BOC: variants seen among roughly 807,000 people sequenced by gnomAD.
BOC encodes brother of CDO.
Under a neutral mutation model 112.0 loss-of-function variants are expected in BOC, and 76 were observed. The observed-to-expected ratio is 0.68, with a 90% confidence interval of 0.56 to 0.82. The LOEUF (loss-of-function observed/expected upper bound fraction) is 0.82, where lower values mean the gene tolerates loss of function less well. Ranked by LOEUF, BOC falls within the 40% of genes least tolerant of loss-of-function variation. The pLI is 0.00. For missense variants in BOC, 1,309 were observed against 1,511.7 expected (o/e 0.87, Z 2.22); for synonymous variants, 580 against 599.8 (o/e 0.97, Z 0.48).
chr3:113,282,936 C>T (rs976829069), intron 15 of BOC, among the ~76,000 whole-genome samples: 3 of 152,134 alleles, frequency 2.0e-5, no homozygotes, highest in Non-Finnish European at 2.9e-5. Context: ...TGTGTGTCCT[C>T]GTGAGTCCGG....
At chr3:113,285,263 G>A in intron 18 of BOC, 109 bp from the exon 19 acceptor site, 1 of 1,056,890 alleles carries the variant, frequency 9.5e-7, no homozygotes, top group Non-Finnish European at 1.4e-6. Flanking sequence ...CCCCATCTGA[G>A]CTCTCACCAG....
At chr3:113,257,908 G>A (rs546211231) in intron 4 of BOC, among the ~76,000 whole-genome samples, 80 of 152,278 alleles carry the variant, frequency 5.3e-4, no homozygotes, top group African/African-American at 1.9e-3. Flanking sequence ...CCTAAGAATT[G>A]GGAACATTTA....
chr3:113,275,880 G>T (rs1233774982), intron 9 of BOC, among the ~76,000 whole-genome samples: 1 of 152,094 alleles, frequency 6.6e-6, no homozygotes. Context: ...AGTCCACAGA[G>T]ACCCTGGGGT....
intron 2 of BOC, among the ~76,000 whole-genome samples, chr3:113,217,426 C>T (rs967587363): frequency 3.3e-5 from 5 of 152,144 alleles, no homozygotes; most frequent in Non-Finnish European, 5.9e-5. Flanking sequence ...CCCTGGGAGG[C>T]TGAGGCAGGA....
At chr3:113,234,947 A>G (rs1365633835) in intron 2 of BOC, among the ~76,000 whole-genome samples, 3 of 152,164 alleles carry the variant, frequency 2.0e-5, no homozygotes, top group African/African-American at 7.2e-5. Context: ...ATTGTTTCCC[A>G]TAGGCACTTT....
rs201653972 is a variant in BOC, at chr3:113,279,908, C to G, written c.2108C>G (p.Ser703Trp). 2.5e-6 allele frequency: 4 copies of G among 1,613,848 alleles called. No homozygotes were observed. Among genetic ancestry groups the G allele is most frequent in the African/African-American group, 2.7e-5 (2 of 74,918 alleles). The change falls in exon 13 of 20, where the codon TCG (serine) becomes TGG (tryptophan). Residue 703 changes from serine (S) to tryptophan (W), a missense_variant. Transcript: ENST00000682979. ...GCCCCCTCTCGGCCCTACGTGGTGT[C>G]GGGCTACAGCGGTCGCGTGTACGAG... ...PSAPSRPYVVSGYSGRVYERP... is the reference protein window; with the variant it reads ...PSAPSRPYVVWGYSGRVYERP...
chr3:113,228,613 C>T (rs1942070157), intron 2 of BOC, among the ~76,000 whole-genome samples: 1 of 152,164 alleles, frequency 6.6e-6, no homozygotes, highest in Admixed American at 6.5e-5. Context: ...TTAAAGTTGG[C>T]AGGAGAAAGC....
Position 113,287,234 on chromosome 3 carries a change from A to T in BOC, c.*372A>T. 5.5e-6 allele frequency: 2 copies of T among 362,626 alleles called. No individual in the cohort carries two copies. Among genetic ancestry groups the T allele is most frequent in the Non-Finnish European group, 1.1e-5 (2 of 186,936 alleles). 22.5% of individuals were successfully genotyped at this position (362,626 alleles called of 1,614,324 possible). On this transcript the variant is annotated 3_prime_UTR_variant, in exon 20 of 20. Transcript: ENST00000682979. ...CATGGTTCATCACGAGCATGAGGGA[A>T]CAGCAAGGGGCACGGTATCACAGCC...
chr3:113,264,208 A>G (rs891046875), intron 4 of BOC, among the ~76,000 whole-genome samples: 1 of 152,246 alleles, frequency 6.6e-6, no homozygotes, highest in Admixed American at 6.5e-5. Context: ...GAGCTGAGAA[A>G]CAAAAGTGGG....
At position 113,211,586 on chromosome 3, in the gene BOC, G is replaced by A. The variant is rs1447560677; in HGVS notation, c.-600G>A. On this transcript the variant is annotated 5_prime_UTR_variant, in exon 1 of 20. Transcript: ENST00000682979. ...ATCCAAAAAGCTTCTTCCATATGGA[G>A]GGACCGGGTGCGCTGGGCGCGGCGT... The A allele has an allele frequency of 6.6e-6, 1 of 152,226 alleles. No homozygotes were observed. The highest frequency in any genetic ancestry group is 1.5e-5 in the Non-Finnish European group (1 of 68,070). 9.4% of individuals were successfully genotyped at this position (152,226 alleles called of 1,614,324 possible).
At chr3:113,261,591 G>A (rs1306788827) in intron 4 of BOC, 1 of 152,126 alleles carries the variant, frequency 6.6e-6, no homozygotes, top group Admixed American at 6.5e-5. Context: ...TGTCTTTGAG[G>A]ATTAATCGCA....
At chr3:113,254,128 T>C (rs1049229418) in intron 4 of BOC, among the ~76,000 whole-genome samples, 5 of 152,170 alleles carry the variant, frequency 3.3e-5, no homozygotes, top group Non-Finnish European at 5.9e-5. Flanking sequence ...GGATCTGTGG[T>C]TGGCAGAAAG....
chr3:113,285,540 A>C lies in BOC; in HGVS notation c.3135A>C (p.Ala1045=), dbSNP rs768632912. Reference sequence around the variant, plus strand: ...CCCCCGACAGTCCTGTCCTGGAAGCAGTGTGGGACCCTCCATTTCACTCAG... The same window carrying C: ...CCCCCGACAGTCCTGTCCTGGAAGCCGTGTGGGACCCTCCATTTCACTCAG... ...RRAPDSPVLE[A]VWDPPFHSGP... Residue 1045 remains alanine (A), a synonymous_variant, in exon 19 of 20, where the codon GCA becomes GCC. Coordinates refer to ENST00000682979, the MANE Select transcript of BOC (RefSeq NM_001378074.1). 1.9e-6 allele frequency: 3 copies of C among 1,595,864 alleles called. No homozygotes were observed. The highest frequency in any genetic ancestry group is 2.6e-6 in the Non-Finnish European group (3 of 1,170,230).
rs767756953 is a variant in BOC, at chr3:113,279,353, C to T, written c.1921C>T (p.Arg641Cys). 22 of 1,614,180 alleles carry T rather than the reference C, an allele frequency of 1.4e-5. No individual in the cohort carries two copies. Among genetic ancestry groups the T allele is most frequent in the Non-Finnish European group, 1.9e-5 (22 of 1,180,024 alleles). Reference sequence around the variant, plus strand: ...TGGTGGGTTCCCAATCCAGTCCTTCCGTGTGGAGTACAAGAAGCTAAAGAA... The same window carrying T: ...TGGTGGGTTCCCAATCCAGTCCTTCTGTGTGGAGTACAAGAAGCTAAAGAA... Reference protein sequence around the residue: ...GNGGFPIQSFRVEYKKLKKVG... With the variant: ...GNGGFPIQSFCVEYKKLKKVG... The change falls in exon 12 of 20, where the codon CGT (arginine) becomes TGT (cysteine). Residue 641 changes from arginine to cysteine, a missense_variant. By Grantham distance (180) the Arg-to-Cys change is radical. Transcript: ENST00000682979.
chr3:113,240,466 G>C (rs898093468), intron 2 of BOC, among the ~76,000 whole-genome samples: 2 of 152,174 alleles, frequency 1.3e-5, no homozygotes, highest in Non-Finnish European at 2.9e-5. Context: ...AGTTGTCAGG[G>C]AGCATTCCAA....
intron 2 of BOC, among the ~76,000 whole-genome samples, chr3:113,229,625 A>G (rs528261013): frequency 2.6e-5 from 4 of 152,376 alleles, no homozygotes; most frequent in African/African-American, 9.6e-5. Context: ...GAATCTGAAA[A>G]TCCAGAAAAT....
At chr3:113,257,996 T>C (rs1946414651) in intron 4 of BOC, among the ~76,000 whole-genome samples, 1 of 152,224 alleles carries the variant, frequency 6.6e-6, no homozygotes, top group Non-Finnish European at 1.5e-5. Context: ...GTGGACTTTG[T>C]TAACACATTA....
intron 2 of BOC, among the ~76,000 whole-genome samples, chr3:113,219,040 A>G (rs1209796844): frequency 1.1e-4 from 17 of 152,350 alleles, no homozygotes; most frequent in Admixed American, 9.8e-4. Context: ...GGTTGTCCAA[A>G]GGTGGTATTG....
chr3:113,262,785 G>T (rs2107560842), intron 4 of BOC, among the ~76,000 whole-genome samples: 1 of 152,304 alleles, frequency 6.6e-6, no homozygotes, highest in Non-Finnish European at 1.5e-5. Context: ...CAAGTGACTT[G>T]GGGGTTGAGA....
Sources: gnomAD v4.1 joint callset for allele counts (sites outside exome capture counted in the v4.1 genomes callset) on GRCh38, gnomAD v4.1.1 for gene constraint, MANE v1.5 for transcripts, NCBI Gene and HGNC (gene_info 2026-07-23, HGNC 2026-07-21) for gene names.